PBX3: variants seen among roughly 807,000 people sequenced by gnomAD.
PBX3 encodes pre-B-cell leukemia transcription factor 3.
In PBX3, 14 loss-of-function variants were observed where a neutral mutation model predicts 48.5. The ratio of observed to expected loss-of-function variants is 0.29; its 90% CI spans 0.19 to 0.45. The LOEUF (loss-of-function observed/expected upper bound fraction) is 0.45. Among genes scored for constraint, PBX3 ranks in the 20% least tolerant of loss-of-function variants. PBX3 has a pLI of 1.00. For missense variants in PBX3, 386 were observed against 546.7 expected, an observed-to-expected ratio of 0.71 and a Z score of 2.93; for synonymous variants, 210 against 200.3, an observed-to-expected ratio of 1.05 and a Z score of -0.41.
intron 8 of PBX3, among the ~76,000 whole-genome samples, chr9:125,964,693 C>G (rs141679751): frequency 6.6e-6 from 1 of 152,168 alleles, no homozygotes; most frequent in Non-Finnish European, 1.5e-5. Context: ...AGGGAGTTCT[C>G]CAGGAACTGT....
intron 2 of PBX3, among the ~76,000 whole-genome samples, chr9:125,826,525 A>G (rs991998836): frequency 1.3e-5 from 2 of 152,182 alleles, no homozygotes; most frequent in African/African-American, 4.8e-5. Context: ...CATAAACATA[A>G]TATGGTAATG....
chr9:125,875,251 T>G (rs1423257930), intron 2 of PBX3, among the ~76,000 whole-genome samples: 1 of 152,196 alleles, frequency 6.6e-6, no homozygotes, highest in Admixed American at 6.5e-5. Context: ...ATACATGTTT[T>G]GTTTTGTAAT....
intron 2 of PBX3, chr9:125,748,913 T>C: frequency 3.4e-6 from 1 of 296,174 alleles, no homozygotes; most frequent in East Asian, 6.1e-5. Flanking sequence ...AGCCGCCCTC[T>C]TCCCTCTCCT....
chr9:125,809,847 C>T (rs1326702338), intron 2 of PBX3, among the ~76,000 whole-genome samples: 2 of 151,990 alleles, frequency 1.3e-5, no homozygotes, highest in African/African-American at 2.4e-5. Flanking sequence ...ATGAAAAAGG[C>T]AACCTGGTAG....
At chr9:125,918,700 T>C (rs575751156) in intron 3 of PBX3, among the ~76,000 whole-genome samples, 1 of 152,288 alleles carries the variant, frequency 6.6e-6, no homozygotes, top group South Asian at 2.1e-4. Context: ...TTTTCTCCTG[T>C]AGGTTTGGAA....
At chr9:125,915,176 ATGT>A (rs1358332892) in intron 2 of PBX3, among the ~76,000 whole-genome samples, 3 of 152,120 alleles carry the variant, frequency 2.0e-5, no homozygotes, top group African/African-American at 4.8e-5. Context: ...AGCTCATCTA[ATGT>A]TGTTTATTTT....
intron 5 of PBX3, 100 bp from the exon 6 acceptor site, chr9:125,960,584 G>A (rs1842406681): frequency 1.0e-6 from 1 of 1,002,186 alleles, no homozygotes; most frequent in African/African-American, 1.6e-5. Flanking sequence ...TAGGAATTGT[G>A]TGTCTCCCAA....
chr9:125,824,197 A>G (rs1184683192), intron 2 of PBX3, among the ~76,000 whole-genome samples: 5 of 152,234 alleles, frequency 3.3e-5, no homozygotes, highest in Non-Finnish European at 7.3e-5. Context: ...AGGATGAAAC[A>G]TAAGGAAGTG....
At chr9:125,791,264 A>G (rs1837593996) in intron 2 of PBX3, among the ~76,000 whole-genome samples, 1 of 151,402 alleles carries the variant, frequency 6.6e-6, no homozygotes, top group Non-Finnish European at 1.5e-5. Context: ...TAATAATTGT[A>G]GTACACATAC....
At chr9:125,938,959 A>G (rs1156304956) in intron 5 of PBX3, among the ~76,000 whole-genome samples, 1 of 151,994 alleles carries the variant, frequency 6.6e-6, no homozygotes, top group Non-Finnish European at 1.5e-5. Flanking sequence ...TTCAGAAAAA[A>G]AAAATGTGTG....
chr9:125,765,712 A>T (rs1479475134), intron 2 of PBX3, among the ~76,000 whole-genome samples: 2 of 152,192 alleles, frequency 1.3e-5, no homozygotes, highest in Non-Finnish European at 2.9e-5. Flanking sequence ...GTCTTGTACT[A>T]CCATTCCCAA....
intron 4 of PBX3, among the ~76,000 whole-genome samples, chr9:125,932,576 G>T (rs1034607390): frequency 2.6e-5 from 4 of 152,032 alleles, no homozygotes; most frequent in African/African-American, 7.3e-5. Flanking sequence ...CTCAAATCAG[G>T]GTTAGAGAGG....
intron 2 of PBX3, among the ~76,000 whole-genome samples, chr9:125,764,394 T>C (rs536781481): frequency 9.8e-5 from 15 of 152,344 alleles, no homozygotes; most frequent in East Asian, 1.9e-4. Flanking sequence ...AAGGCTGATA[T>C]ATCTTTTGGA....
chr9:125,882,949 CAGA>C (rs1028165133), intron 2 of PBX3, among the ~76,000 whole-genome samples: 2 of 152,196 alleles, frequency 1.3e-5, no homozygotes, highest in Non-Finnish European at 2.9e-5. Flanking sequence ...AGAAATCTGA[CAGA>C]AGGTCCATTT....
chr9:125,872,159 G>T (rs934463204), intron 2 of PBX3, among the ~76,000 whole-genome samples: 1 of 152,008 alleles, frequency 6.6e-6, no homozygotes, highest in Non-Finnish European at 1.5e-5. Flanking sequence ...CCAAAAGAAG[G>T]CAAGAAAGGA....
At chr9:125,757,506 T>C (rs1019973072) in intron 2 of PBX3, among the ~76,000 whole-genome samples, 1 of 152,192 alleles carries the variant, frequency 6.6e-6, no homozygotes, top group Non-Finnish European at 1.5e-5. Flanking sequence ...GGACTGTTGG[T>C]CCATTAAAAG....
At position 125,780,468 on chromosome 9, in the gene PBX3, A is replaced by AC. The variant is rs1268862329; in HGVS notation, c.274+31853dup. Among the ~76,000 whole-genome samples, 438 of 49,144 alleles carry AC rather than the reference A, an allele frequency of 8.9e-3. 2 individuals are homozygous for AC. Among genetic ancestry groups the AC allele is most frequent in the African/African-American group, 0.032 (392 of 12,262 alleles). 32.2% of individuals were successfully genotyped at this position (49,144 alleles called of 152,430 possible). A position where few individuals can be genotyped will look rare whatever the true frequency, so the allele number is the denominator to read the frequency against. On this transcript the variant is annotated intron_variant, in intron 2 of 8. Coordinates refer to ENST00000373489, the MANE Select transcript of PBX3 (RefSeq NM_006195.6). ...GGGCGGCTGGCCGGGCGGGGGGCTGACCCCCCCCACCTCCCTCCCGGACGG... is the reference window on the plus strand; with the variant it reads ...GGGCGGCTGGCCGGGCGGGGGGCTGACCCCCCCCCACCTCCCTCCCGGACGG...
intron 2 of PBX3, among the ~76,000 whole-genome samples, chr9:125,764,176 C>A (rs1836744441): frequency 6.6e-6 from 1 of 152,168 alleles, no homozygotes; most frequent in African/African-American, 2.4e-5. Context: ...TCCTGCCCCT[C>A]CCCCTGGTTT....
intron 2 of PBX3, among the ~76,000 whole-genome samples, chr9:125,762,935 T>A (rs545983993): frequency 1.1e-4 from 17 of 152,158 alleles, no homozygotes; most frequent in Non-Finnish European, 2.2e-4. Flanking sequence ...AGAGGTAACC[T>A]TTTACAAAGC....
Sources: gnomAD v4.1 joint callset for allele counts (sites outside exome capture counted in the v4.1 genomes callset) on GRCh38, gnomAD v4.1.1 for gene constraint, MANE v1.5 for transcripts, NCBI Gene and HGNC (gene_info 2026-07-23, HGNC 2026-07-21) for gene names.